The following LPP variants were observed in gnomAD, a reference collection of about 807,000 sequenced individuals.
LPP encodes the protein lipoma-preferred partner.
In LPP, 38 loss-of-function variants were observed where a neutral mutation model predicts 60.4. The ratio of observed to expected loss-of-function variants is 0.63; its 90% CI spans 0.49 to 0.83. The LOEUF (loss-of-function observed/expected upper bound fraction) is 0.83. Among genes scored for constraint, LPP ranks in the 40% least tolerant of loss-of-function variants. The probability of loss-of-function intolerance (pLI) is 0.00; values close to 1 mark genes in which losing one functional copy is unlikely to be tolerated. For synonymous variants in LPP, 328 were observed against 290.8 expected (o/e 1.13, Z -1.30); for missense variants, 902 against 783.6 (o/e 1.15, Z -1.80).
At chr3:188,802,556 G>A (rs1747600626) in intron 9 of LPP, among the ~76,000 whole-genome samples, 1 of 152,214 alleles carries the variant, frequency 6.6e-6, no homozygotes, top group African/African-American at 2.4e-5. Flanking sequence ...GCCGAGGTGG[G>A]TGGATCACCT....
chr3:188,824,772 A>G (rs1754940225), intron 9 of LPP, among the ~76,000 whole-genome samples: 1 of 152,186 alleles, frequency 6.6e-6, no homozygotes, highest in African/African-American at 2.4e-5. Context: ...TAAGTACCAT[A>G]TGTCCAGTGT....
At chr3:188,563,643 A>G (rs1222526839) in intron 6 of LPP, among the ~76,000 whole-genome samples, 1 of 151,556 alleles carries the variant, frequency 6.6e-6, no homozygotes, top group African/African-American at 2.4e-5. Flanking sequence ...TTTCTTTATT[A>G]CAAACAATGT....
At chr3:188,415,970 A>G (rs114945405) in intron 4 of LPP, among the ~76,000 whole-genome samples, 5,672 of 152,270 alleles carry the variant, frequency 0.037, 151 homozygotes, top group Non-Finnish European at 0.061. Context: ...CCTAGTTAAC[A>G]ATAAGGTAAC....
intron 4 of LPP, among the ~76,000 whole-genome samples, chr3:188,414,582 C>T (rs1785686189): frequency 6.6e-6 from 1 of 152,118 alleles, no homozygotes; most frequent in South Asian, 2.1e-4. Flanking sequence ...CACAATGCCT[C>T]AACACTATAT....
chr3:188,752,270 G>A (rs1325175197), intron 8 of LPP, among the ~76,000 whole-genome samples: 1 of 152,138 alleles, frequency 6.6e-6, no homozygotes, highest in Non-Finnish European at 1.5e-5. Context: ...TTGAGGGATT[G>A]ACAGAATGGC....
chr3:188,281,783 A>ATCC (rs1188996249), intron 2 of LPP, among the ~76,000 whole-genome samples: 1 of 152,092 alleles, frequency 6.6e-6, no homozygotes, highest in African/African-American at 2.4e-5. Context: ...TTTGTCTCAC[A>ATCC]TTTATATACC....
chr3:188,190,213 T>C (rs1727771047), intron 1 of LPP, among the ~76,000 whole-genome samples: 1 of 152,048 alleles, frequency 6.6e-6, no homozygotes, highest in Non-Finnish European at 1.5e-5. Flanking sequence ...TGGGCCACCA[T>C]GCCTGGCTAA....
At chr3:188,407,763 T>C (rs1783867450) in intron 4 of LPP, among the ~76,000 whole-genome samples, 1 of 106,112 alleles carries the variant, frequency 9.4e-6, no homozygotes. Flanking sequence ...GCTTCCTCAT[T>C]TATGGTTTTT....
At chr3:188,718,849 C>T (rs1057164746) in intron 8 of LPP, among the ~76,000 whole-genome samples, 6 of 152,176 alleles carry the variant, frequency 3.9e-5, no homozygotes, top group South Asian at 2.1e-4. Flanking sequence ...AATCATAAAA[C>T]GTTAGAGCTG....
intron 3 of LPP, among the ~76,000 whole-genome samples, chr3:188,402,954 A>G (rs775009132): frequency 6.6e-6 from 1 of 152,204 alleles, no homozygotes; most frequent in Non-Finnish European, 1.5e-5. Context: ...GGGAAACGGC[A>G]TTGTTGATGG....
chr3:188,440,425 CAGT>C (rs1345725556), intron 4 of LPP, among the ~76,000 whole-genome samples: 1 of 152,094 alleles, frequency 6.6e-6, no homozygotes, highest in African/African-American at 2.4e-5. Context: ...TCTTACAAAG[CAGT>C]AGCATTTCCT....
intron 2 of LPP, among the ~76,000 whole-genome samples, chr3:188,281,842 T>C (rs920355179): frequency 7.9e-5 from 12 of 152,216 alleles, no homozygotes; most frequent in African/African-American, 2.7e-4. Flanking sequence ...CAGTTATTTG[T>C]ATAAAATTTA....
intron 9 of LPP, among the ~76,000 whole-genome samples, chr3:188,842,619 G>C (rs1243448709): frequency 2.6e-5 from 4 of 151,980 alleles, no homozygotes; most frequent in African/African-American, 9.7e-5. Flanking sequence ...TTTGTCAAAT[G>C]AGCTATAGAA....
chr3:188,862,763 A>AAAG (rs1765575878), intron 9 of LPP, among the ~76,000 whole-genome samples: 1 of 145,994 alleles, frequency 6.8e-6, no homozygotes, highest in African/African-American at 2.6e-5. Flanking sequence ...GAAAGAAAGA[A>AAAG]AAAGAAAGAG....
intron 7 of LPP, among the ~76,000 whole-genome samples, chr3:188,700,363 G>A (rs918359554): frequency 1.2e-4 from 18 of 152,138 alleles, no homozygotes; most frequent in African/African-American, 4.3e-4. Context: ...AGGAACTCAG[G>A]GGGCTGACAT....
At chr3:188,325,094 C>A (rs2150424279) in intron 2 of LPP, among the ~76,000 whole-genome samples, 1 of 152,264 alleles carries the variant, frequency 6.6e-6, no homozygotes, top group African/African-American at 2.4e-5. Context: ...AATTCTCCTG[C>A]CTCAGCCTCC....
At chr3:188,461,505 G>A (rs1172585819) in intron 4 of LPP, among the ~76,000 whole-genome samples, 2 of 151,940 alleles carry the variant, frequency 1.3e-5, no homozygotes, top group Non-Finnish European at 2.9e-5. Flanking sequence ...TGCAAATTGT[G>A]CATTTTTGTT....
chr3:188,235,587 T>G (rs1337107208), intron 2 of LPP, among the ~76,000 whole-genome samples: 1 of 152,226 alleles, frequency 6.6e-6, no homozygotes, highest in Non-Finnish European at 1.5e-5. Context: ...TGATTGTTCC[T>G]TTCTCCATAA....
chr3:188,466,015 G>T (rs1052715707), intron 4 of LPP, among the ~76,000 whole-genome samples: 1 of 152,144 alleles, frequency 6.6e-6, no homozygotes, highest in Non-Finnish European at 1.5e-5. Context: ...AAGGTTTAGG[G>T]ATTCCTGGCA....
Sources: allele counts gnomAD v4.1 joint callset (sites outside exome capture counted in the v4.1 genomes callset), GRCh38; gene constraint gnomAD v4.1.1; transcripts MANE v1.5; gene names NCBI Gene and HGNC (gene_info 2026-07-23, HGNC 2026-07-21).